YPEL3: variants seen among roughly 807,000 people sequenced by gnomAD.
The protein encoded by YPEL3 is protein yippee-like 3.
In YPEL3, 5 loss-of-function variants were observed where a neutral mutation model predicts 17.5. The observed-to-expected ratio is 0.29, with a 90% CI of 0.15 to 0.60. YPEL3 has a LOEUF of 0.60. Ranked by LOEUF, YPEL3 falls within the 20% of genes least tolerant of loss-of-function variation. YPEL3 has a pLI of 0.87. For synonymous variants in YPEL3, 87 were observed against 87.2 expected, an observed-to-expected ratio of 1.00 and a Z score of 0.01; for missense variants, 155 against 211.4, an observed-to-expected ratio of 0.73 and a Z score of 1.65.
Position 30,095,633 on chromosome 16 carries a change from C to A in YPEL3, c.-151G>T. 1.5e-6 allele frequency: 1 copy of A among 662,012 alleles called. No individual in the cohort carries two copies. The allele number at this position is 662,012 out of a possible 1,614,324, so 41.0% of individuals were successfully genotyped here. A position where few individuals can be genotyped will look rare whatever the true frequency, so the allele number is the denominator to read the frequency against. Reference sequence around the variant, plus strand: ...GGTTGCATCCATGGGGAAACTGAGGCTCGGAGGTGCCCAGGGTGAGTCACC... The same window carrying A: ...GGTTGCATCCATGGGGAAACTGAGGATCGGAGGTGCCCAGGGTGAGTCACC... On this transcript the variant is annotated 5_prime_UTR_variant, in exon 1 of 4. Coordinates refer to ENST00000398841, the MANE Select transcript of YPEL3 (RefSeq NM_031477.5). The surrounding 1 kb of genome is among the most constrained non-coding windows in gnomAD (Gnocchi z 5.4).
rs916472678 is a variant in YPEL3, at chr16:30,092,458, T to C, written c.*252A>G. 26 of 533,750 alleles carry C rather than the reference T, an allele frequency of 4.9e-5. 1 individual carries two copies. The highest frequency in any genetic ancestry group is 4.6e-4 in the African/African-American group (24 of 52,646). The allele number at this position is 533,750 out of a possible 1,614,324, so 33.1% of individuals were successfully genotyped here. A position where few individuals can be genotyped will look rare whatever the true frequency, so the allele number is the denominator to read the frequency against. On this transcript the variant is annotated 3_prime_UTR_variant, in exon 4 of 4. Coordinates refer to ENST00000398841, the MANE Select transcript of YPEL3 (RefSeq NM_031477.5). ...GAGAGCAGAACACAGGCCATAACTA[T>C]AGGGCAGGTGGGGCAGGAACGGGTT...
Position 30,092,761 on chromosome 16 carries a change from C to T in YPEL3, c.423G>A (p.Gly141=), listed in dbSNP as rs778824224. 1.9e-6 allele frequency: 3 copies of T among 1,614,184 alleles called. No individual in the cohort carries two copies. The Admixed American group carries it at 5.0e-5, about 27-fold the overall frequency. Residue 141 remains glycine (G), a synonymous_variant, in exon 4 of 4, where the codon GGG becomes GGA. Coordinates refer to ENST00000398841, the MANE Select transcript of YPEL3 (RefSeq NM_031477.5). ...AFESSQKYKE[G]KYIIELNHMI... Reference sequence around the variant, plus strand: ...TGTGGTTGAGTTCAATGATGTACTTCCCCTCTTTGTACTTCTGGCTGCTCT... The same window carrying T: ...TGTGGTTGAGTTCAATGATGTACTTTCCCTCTTTGTACTTCTGGCTGCTCT...
In YPEL3 at chr16:30,094,833, C is replaced by T. The variant is rs936261369; in HGVS notation, c.340G>A (p.Asp114Asn). The T allele has an allele frequency of 2.5e-6, 4 of 1,614,096 alleles. No individual in the cohort carries two copies. Among genetic ancestry groups the T allele is most frequent in the Non-Finnish European group, 3.4e-6 (4 of 1,180,000 alleles). Reference sequence around the variant, plus strand: ...GTCTTGCAGTTCTCGCAGTGGATGTCGGCGACAGCATGGAGGCCGGTCAGC... The same window carrying T: ...GTCTTGCAGTTCTCGCAGTGGATGTTGGCGACAGCATGGAGGCCGGTCAGC... ...VLLTGLHAVA[D>N]IHCENCKTTL... is the part of the protein sequence containing the mutation. The change falls in exon 3 of 4, where the codon GAC (aspartate) becomes AAC (asparagine). Residue 114 changes from aspartate to asparagine, a missense_variant. This residue lies in a region of YPEL3 where 74 missense variants were observed against 134.9 expected (regional missense o/e 0.55). Transcript: ENST00000398841.
At position 30,092,346 on chromosome 16, in the gene YPEL3, C is replaced by T. The variant is rs1295986259; in HGVS notation, c.*364G>A. Reference sequence around the variant, plus strand: ...ACTCCATTGTTTTATTATGTACAAACGCTACAGAACGAGGGGGACAGACAC... The same window carrying T: ...ACTCCATTGTTTTATTATGTACAAATGCTACAGAACGAGGGGGACAGACAC... On this transcript the variant is annotated 3_prime_UTR_variant, in exon 4 of 4. Transcript: ENST00000398841. 2 of 240,488 alleles carry T rather than the reference C, an allele frequency of 8.3e-6. No individual in the cohort carries two copies. The allele number at this position is 240,488 out of a possible 1,614,324, so 14.9% of individuals were successfully genotyped here.
At chr16:30,092,878 T>C (rs1257021713) in intron 3 of YPEL3, 79 bp from the exon 4 acceptor site, 1 of 1,254,882 alleles carries the variant, frequency 8.0e-7, no homozygotes, top group East Asian at 2.3e-5. Flanking sequence ...TGGACATGAG[T>C]GGCCCCATTT....
Position 30,095,737 on chromosome 16 carries a change from T to G in YPEL3, c.-255A>C. ...GGCTTTGGAGGGGCTGGGCTGTCAG[T>G]TCCCAGTTTCGGGGGAGCATGGGCG... On this transcript the variant is annotated 5_prime_UTR_variant, in exon 1 of 4. Coordinates refer to ENST00000398841, the MANE Select transcript of YPEL3 (RefSeq NM_031477.5). The surrounding 1 kb of genome is among the most constrained non-coding windows in gnomAD (Gnocchi z 5.4). The G allele has an allele frequency of 2.2e-6, 1 of 465,070 alleles. No individual in the cohort carries two copies. The allele number at this position is 465,070 out of a possible 1,614,324, so 28.8% of individuals were successfully genotyped here.
In YPEL3 at chr16:30,092,553, A is replaced by G; in HGVS notation, c.*157T>C. On this transcript the variant is annotated 3_prime_UTR_variant, in exon 4 of 4. Transcript: ENST00000398841. ...GTCGTCCCCCTTCTGTTCTCCCCCC[A>G]AGGTCACAGTGCATGCAATAAAATA... 1.6e-6 allele frequency: 1 copy of G among 624,578 alleles called. No individual in the cohort carries two copies. The highest frequency in any genetic ancestry group is 2.2e-5 in the South Asian group (1 of 46,466). The allele number at this position is 624,578 out of a possible 1,614,324, so 38.7% of individuals were successfully genotyped here.
In YPEL3 at chr16:30,092,498, A is replaced by C; in HGVS notation, c.*212T>G. 1 of 568,274 alleles carries C rather than the reference A, an allele frequency of 1.8e-6. No individual in the cohort carries two copies. The highest frequency in any genetic ancestry group is 2.9e-5 in the East Asian group (1 of 34,958). The allele number at this position is 568,274 out of a possible 1,614,324, so 35.2% of individuals were successfully genotyped here. Reference sequence around the variant, plus strand: ...AGGAACGGGTTAAAAACGAGATCCAAGCCAGCCAGATCGCAGGAGGTGCGG... The same window carrying C: ...AGGAACGGGTTAAAAACGAGATCCACGCCAGCCAGATCGCAGGAGGTGCGG... On this transcript the variant is annotated 3_prime_UTR_variant, in exon 4 of 4. Transcript: ENST00000398841.
Position 30,095,031 on chromosome 16 carries a change from C to T in YPEL3, c.275+72G>A. Reference sequence around the variant, plus strand: ...GCCTGCACCGGGGAACTCTGGGAGTCTCAGCAGGATGCCAGGGGTCACAGG... The same window carrying T: ...GCCTGCACCGGGGAACTCTGGGAGTTTCAGCAGGATGCCAGGGGTCACAGG... On this transcript the variant is annotated intron_variant, in intron 2 of 3. Transcript: ENST00000398841. This position sits in a 1 kb window ranked among gnomAD's most constrained non-coding sequence, Gnocchi z 5.4. 6.2e-7 allele frequency: 1 copy of T among 1,609,004 alleles called. No homozygotes were observed. The highest frequency in any genetic ancestry group is 1.3e-5 in the African/African-American group (1 of 74,918).
Position 30,096,010 on chromosome 16 carries a change from T to A in YPEL3, c.-528A>T, listed in dbSNP as rs889407159. ...CCGGGGCTCACCTGGGGCGCGGGGG[T>A]GGGGGCGGGCGCCGGGGGAGGGGGC... is the stretch of plus-strand genomic sequence containing the variant. On this transcript the variant is annotated 5_prime_UTR_variant, in exon 1 of 4. Transcript: ENST00000398841. 1.6e-4 allele frequency: 1 copy of A among 6,424 alleles called. No individual in the cohort carries two copies. Among genetic ancestry groups the A allele is most frequent in the Non-Finnish European group, 3.4e-4 (1 of 2,934 alleles). The allele number at this position is 6,424 out of a possible 1,614,324, so 0.4% of individuals were successfully genotyped here.
chr16:30,095,528 C>T lies in YPEL3; in HGVS notation c.-46G>A. 1 of 1,413,986 alleles carries T rather than the reference C, an allele frequency of 7.1e-7. No homozygotes were observed. The highest frequency in any genetic ancestry group is 9.3e-7 in the Non-Finnish European group (1 of 1,071,136). The allele number at this position is 1,413,986 out of a possible 1,614,324, so 87.6% of individuals were successfully genotyped here. ...TGGGGACTCGCTCTGTCACACTGGG[C>T]TGCTCTCTCCTTTCCCCAGAGCCAG... On this transcript the variant is annotated 5_prime_UTR_variant, in exon 1 of 4. Transcript: ENST00000398841. The surrounding 1 kb of genome is among the most constrained non-coding windows in gnomAD (Gnocchi z 5.4).
chr16:30,095,392 C>G lies in YPEL3; in HGVS notation c.91G>C (p.Gly31Arg). 1 of 1,612,754 alleles carries G rather than the reference C, an allele frequency of 6.2e-7. No individual in the cohort carries two copies. The highest frequency in any genetic ancestry group is 8.5e-7 in the Non-Finnish European group (1 of 1,179,366). ...LCSPWAAPRV[G>R]PLPPAPAMVR... The stretch of plus-strand genomic sequence containing the variant: ...ATGGCGGGGGCCGGGGGCAGTGGCC[C>G]CACGCGGGGAGCGGCCCACGGGGAG... Residue 31 changes from glycine (G) to arginine (R), a missense_variant, in exon 1 of 4, where the codon GGG becomes CGG. Gly to Arg is a moderately radical substitution (Grantham distance 125). Transcript: ENST00000398841. The surrounding 1 kb of genome is among the most constrained non-coding windows in gnomAD (Gnocchi z 5.4).
In YPEL3 at chr16:30,092,470, G is replaced by A. The variant is rs2072741482; in HGVS notation, c.*240C>T. Reference sequence around the variant, plus strand: ...CAGGCCATAACTATAGGGCAGGTGGGGCAGGAACGGGTTAAAAACGAGATC... The same window carrying A: ...CAGGCCATAACTATAGGGCAGGTGGAGCAGGAACGGGTTAAAAACGAGATC... On this transcript the variant is annotated 3_prime_UTR_variant, in exon 4 of 4. Coordinates refer to ENST00000398841, the MANE Select transcript of YPEL3 (RefSeq NM_031477.5). 1 of 549,844 alleles carries A rather than the reference G, an allele frequency of 1.8e-6. No homozygotes were observed. The highest frequency in any genetic ancestry group is 3.3e-6 in the Non-Finnish European group (1 of 307,530). The allele number at this position is 549,844 out of a possible 1,614,324, so 34.1% of individuals were successfully genotyped here. A position where few individuals can be genotyped will look rare whatever the true frequency, so the allele number is the denominator to read the frequency against.
chr16:30,093,699 C>A (rs985902922), intron 3 of YPEL3: 1 of 151,854 alleles, frequency 6.6e-6, no homozygotes, highest in Non-Finnish European at 1.5e-5. Flanking sequence ...GCCTCAACCT[C>A]ATGAGTAGCT....
rs1195289223 is a variant in YPEL3 at position 30,092,397 on chromosome 16, G to A, written c.*313C>T. The A allele has an allele frequency of 8.6e-6, 3 of 347,930 alleles. No individual in the cohort carries two copies. Among genetic ancestry groups the A allele is most frequent in the African/African-American group, 2.1e-5 (1 of 48,690 alleles). The allele number at this position is 347,930 out of a possible 1,614,324, so 21.6% of individuals were successfully genotyped here. The stretch of plus-strand genomic sequence containing the variant: ...GCGTGGGGTAAGAAGGGCCTGGTGG[G>A]AGGAGTTCACAGAGCAGACGGTGCA... On this transcript the variant is annotated 3_prime_UTR_variant, in exon 4 of 4. Coordinates refer to ENST00000398841, the MANE Select transcript of YPEL3 (RefSeq NM_031477.5).
chr16:30,095,652 A>G lies in YPEL3; in HGVS notation c.-170T>C. ...CTGAGGCTCGGAGGTGCCCAGGGTG[A>G]GTCACCCGCCTGCTTCCGGCCTCAC... On this transcript the variant is annotated 5_prime_UTR_variant, in exon 1 of 4. Coordinates refer to ENST00000398841, the MANE Select transcript of YPEL3 (RefSeq NM_031477.5). This position sits in a 1 kb window ranked among gnomAD's most constrained non-coding sequence, Gnocchi z 5.4. 1.7e-6 allele frequency: 1 copy of G among 576,772 alleles called. No homozygotes were observed. Among genetic ancestry groups the G allele is most frequent in the Non-Finnish European group, 2.9e-6 (1 of 340,306 alleles). The allele number at this position is 576,772 out of a possible 1,614,324, so 35.7% of individuals were successfully genotyped here. A position where few individuals can be genotyped will look rare whatever the true frequency, so the allele number is the denominator to read the frequency against.
Position 30,092,680 on chromosome 16 carries a change from C to T in YPEL3, c.*30G>A. ...GGCGCTCCCTGGCGGCCAGGCCGGG[C>T]TGGAGCCACATGCGTCGGGGGAGCG... On this transcript the variant is annotated 3_prime_UTR_variant, in exon 4 of 4. Transcript: ENST00000398841. The T allele has an allele frequency of 6.2e-7, 1 of 1,611,892 alleles. No individual in the cohort carries two copies. Among genetic ancestry groups the T allele is most frequent in the Non-Finnish European group, 8.5e-7 (1 of 1,178,524 alleles).
Position 30,095,684 on chromosome 16 carries a change from T to C in YPEL3, c.-202A>G, listed in dbSNP as rs1407803129. The C allele has an allele frequency of 1.9e-6, 1 of 525,068 alleles. No homozygotes were observed. Among genetic ancestry groups the C allele is most frequent in the East Asian group, 2.9e-5 (1 of 33,978 alleles). The allele number at this position is 525,068 out of a possible 1,614,324, so 32.5% of individuals were successfully genotyped here. Reference sequence around the variant, plus strand: ...CGCCTGCTTCCGGCCTCACCCTTGCTGACCTGGCAGCTGAAGCTGGAGGAA... The same window carrying C: ...CGCCTGCTTCCGGCCTCACCCTTGCCGACCTGGCAGCTGAAGCTGGAGGAA... On this transcript the variant is annotated 5_prime_UTR_variant, in exon 1 of 4. Transcript: ENST00000398841. This position sits in a 1 kb window ranked among gnomAD's most constrained non-coding sequence, Gnocchi z 5.4.
chr16:30,095,274 T>C lies in YPEL3; in HGVS notation c.209A>G (p.Asn70Ser). ...TACCTTGGAGATGAGGTCGTCGTGGTTGGCCAGGTGAGCGCGGCAGTGGGC... is the reference window on the plus strand; with the variant it reads ...TACCTTGGAGATGAGGTCGTCGTGGCTGGCCAGGTGAGCGCGGCAGTGGGC... ...SCAHCRAHLA[N>S]HDDLISKSFQ... is the part of the protein sequence containing the mutation. Residue 70 changes from asparagine (N) to serine (S), a missense_variant, in exon 1 of 4, where the codon AAC becomes AGC. By Grantham distance (46) the Asn-to-Ser change is conservative. Coordinates refer to ENST00000398841, the MANE Select transcript of YPEL3 (RefSeq NM_031477.5). The surrounding 1 kb of genome is among the most constrained non-coding windows in gnomAD (Gnocchi z 5.4). The C allele has an allele frequency of 1.2e-6, 2 of 1,614,156 alleles. No individual in the cohort carries two copies. The highest frequency in any genetic ancestry group is 1.7e-6 in the Non-Finnish European group (2 of 1,180,006).
Sources: gnomAD v4.1 joint callset for allele counts on GRCh38, gnomAD v4.1.1 for gene constraint, gnomAD v4.1.1 regional missense constraint, Gnocchi (gnomAD v3.1) non-coding constraint, MANE v1.5 for transcripts, NCBI Gene and HGNC (gene_info 2026-07-23, HGNC 2026-07-21) for gene names.